The following FBXO42 variants were observed in gnomAD, a reference collection of about 807,000 sequenced individuals.
FBXO42 encodes the protein F-box only protein 42.
A neutral mutation model predicts 71.7 loss-of-function variants in FBXO42; 12 were observed. The observed-to-expected ratio is 0.17, with a 90% CI of 0.11 to 0.27. The LOEUF is 0.27. FBXO42 is among the 10% of genes least tolerant of loss of function. The pLI is 1.00. For missense variants in FBXO42, 707 were observed against 911.9 expected (o/e 0.78, Z 2.89); for synonymous variants, 325 against 327.5 (o/e 0.99, Z 0.08).
At chr1:16,352,233 C>A in intron 1 of FBXO42, 22 bp downstream of exon 1, 2 of 394,272 alleles carry the variant, frequency 5.1e-6, no homozygotes, top group East Asian at 7.2e-5. Flanking sequence ...CTCTGCGGCC[C>A]GGGGAGGAGG....
At chr1:16,311,495 A>AT (rs1416377831) in intron 2 of FBXO42, among the ~76,000 whole-genome samples, 4 of 90,604 alleles carry the variant, frequency 4.4e-5, no homozygotes, top group African/African-American at 1.7e-4. Flanking sequence ...CTCAAAAAAA[A>AT]AAAAAAAAAT....
chr1:16,271,865 G>A (rs904123980), intron 4 of FBXO42, among the ~76,000 whole-genome samples: 2 of 151,516 alleles, frequency 1.3e-5, no homozygotes, highest in Non-Finnish European at 2.9e-5. Flanking sequence ...TAGGCTGGGC[G>A]CAGTGGCTCA....
chr1:16,270,544 A>G (rs988209369), intron 4 of FBXO42, among the ~76,000 whole-genome samples: 1 of 151,874 alleles, frequency 6.6e-6, no homozygotes, highest in African/African-American at 2.4e-5. Context: ...CAGAGCCTTC[A>G]AGATAAAGGC....
intron 4 of FBXO42, among the ~76,000 whole-genome samples, chr1:16,268,053 T>C (rs1013345386): frequency 6.6e-6 from 1 of 152,078 alleles, no homozygotes; most frequent in Non-Finnish European, 1.5e-5. Context: ...TTTGATTCAA[T>C]TTCTGAGGGA....
intron 4 of FBXO42, among the ~76,000 whole-genome samples, chr1:16,263,716 T>C (rs1246435951): frequency 7.4e-6 from 1 of 134,368 alleles, no homozygotes; most frequent in African/African-American, 2.7e-5. Flanking sequence ...AGAGCGAAAC[T>C]CCGTCTCAAG....
chr1:16,344,473 C>T (rs1317372185), intron 1 of FBXO42, among the ~76,000 whole-genome samples: 15 of 148,994 alleles, frequency 1.0e-4, no homozygotes, highest in Non-Finnish European at 1.2e-4. Flanking sequence ...CACATACCAC[C>T]ACACCCAGCT....
At chr1:16,265,247 C>T (rs2081758542) in intron 4 of FBXO42, among the ~76,000 whole-genome samples, 1 of 152,098 alleles carries the variant, frequency 6.6e-6, no homozygotes, top group Non-Finnish European at 1.5e-5. Flanking sequence ...GCATGCACCA[C>T]CAAGTGGCTA....
At chr1:16,319,499 T>C (rs2082395499) in intron 1 of FBXO42, among the ~76,000 whole-genome samples, 1 of 152,052 alleles carries the variant, frequency 6.6e-6, no homozygotes, top group African/African-American at 2.4e-5. Flanking sequence ...AGGACTGGAG[T>C]GGCTTAAGTC....
At chr1:16,270,581 G>A (rs1241199999) in intron 4 of FBXO42, among the ~76,000 whole-genome samples, 1 of 142,068 alleles carries the variant, frequency 7.0e-6, no homozygotes, top group Non-Finnish European at 1.5e-5. Flanking sequence ...GCTCACGCCT[G>A]TAATCCCAGC....
At chr1:16,340,983 A>T (rs566820440) in intron 1 of FBXO42, among the ~76,000 whole-genome samples, 1 of 152,130 alleles carries the variant, frequency 6.6e-6, no homozygotes, top group African/African-American at 2.4e-5. Context: ...GTAAAGCATT[A>T]TTTACTAATG....
At chr1:16,259,770 A>G (rs533497020) in intron 4 of FBXO42, among the ~76,000 whole-genome samples, 2 of 151,724 alleles carry the variant, frequency 1.3e-5, no homozygotes, top group Non-Finnish European at 2.9e-5. Flanking sequence ...TGTCTCAAAA[A>G]AAAAAAAAAA....
chr1:16,316,187 A>C (rs1010012034), intron 1 of FBXO42, among the ~76,000 whole-genome samples: 4 of 139,848 alleles, frequency 2.9e-5, no homozygotes, highest in African/African-American at 1.0e-4. Flanking sequence ...AAAAAAAAAA[A>C]GAAAGAAAGA....
At chr1:16,319,377 C>T (rs1171991683) in intron 1 of FBXO42, among the ~76,000 whole-genome samples, 1 of 152,148 alleles carries the variant, frequency 6.6e-6, no homozygotes, top group African/African-American at 2.4e-5. Context: ...AAAATTGCTT[C>T]CCAGATAATT....
chr1:16,326,683 CAAA>C (rs397860543), intron 1 of FBXO42, among the ~76,000 whole-genome samples: 20 of 103,092 alleles, frequency 1.9e-4, no homozygotes, highest in Admixed American at 2.2e-4. Flanking sequence ...AACCCTGTCT[CAAA>C]AAAAAAAAAA....
At chr1:16,275,203 G>A (rs772583771) in intron 4 of FBXO42, among the ~76,000 whole-genome samples, 7 of 152,050 alleles carry the variant, frequency 4.6e-5, no homozygotes, top group Non-Finnish European at 8.8e-5. Context: ...GACAAAAAAG[G>A]GACACAACAT....
intron 4 of FBXO42, chr1:16,293,511 G>GCTC (rs1259340070): frequency 6.6e-6 from 1 of 152,130 alleles, no homozygotes; most frequent in Non-Finnish European, 1.5e-5. Context: ...GGATATAATA[G>GCTC]CTCCTCCTCC....
intron 2 of FBXO42, among the ~76,000 whole-genome samples, chr1:16,313,745 A>G (rs747598609): frequency 6.6e-5 from 10 of 152,308 alleles, no homozygotes; most frequent in East Asian, 5.8e-4. Flanking sequence ...GTTCTCTGTT[A>G]TATCTCTGGC....
intron 1 of FBXO42, among the ~76,000 whole-genome samples, chr1:16,318,580 T>C (rs1323217080): frequency 6.6e-6 from 1 of 152,186 alleles, no homozygotes; most frequent in East Asian, 1.9e-4. Context: ...TTTATACTCC[T>C]ATGACATTAT....
chr1:16,303,381 A>G (rs563751275), intron 3 of FBXO42, among the ~76,000 whole-genome samples: 1 of 152,288 alleles, frequency 6.6e-6, no homozygotes, highest in South Asian at 2.1e-4. Context: ...GATGCTGCAC[A>G]TCCCTGCCCC....
Sources: allele counts gnomAD v4.1 joint callset (sites outside exome capture counted in the v4.1 genomes callset), GRCh38; gene constraint gnomAD v4.1.1; transcripts MANE v1.5; gene names NCBI Gene and HGNC (gene_info 2026-07-23, HGNC 2026-07-21).